Variants in INTS6 observed in about 807,000 individuals in gnomAD.
INTS6 encodes DEAD box protein.
Under a neutral mutation model 104.9 loss-of-function variants are expected in INTS6, and 16 were observed. The observed-to-expected ratio is 0.15, with a 90% CI of 0.10 to 0.23. The LOEUF is 0.23. Among genes scored for constraint, INTS6 ranks in the 10% least tolerant of loss-of-function variants. The probability of loss-of-function intolerance (pLI) is 1.00; values close to 1 mark genes in which losing one functional copy is unlikely to be tolerated. For synonymous variants in INTS6, 324 were observed against 358.7 expected, an observed-to-expected ratio of 0.90 and a Z score of 1.09; for missense variants, 584 against 1,062.8, an observed-to-expected ratio of 0.55 and a Z score of 6.26.
downstream of INTS6, among the ~76,000 whole-genome samples, chr13:51,359,220 GTTCAT>G (rs1424079668): frequency 1.3e-5 from 2 of 151,932 alleles, no homozygotes; most frequent in Non-Finnish European, 2.9e-5. Flanking sequence ...TGACTTCTAG[GTTCAT>G]TTCATTAGTT....
At chr13:51,392,951 TAGAA>T (rs1327889474) in intron 5 of INTS6, among the ~76,000 whole-genome samples, 3 of 151,996 alleles carry the variant, frequency 2.0e-5, no homozygotes, top group Admixed American at 1.3e-4. Context: ...AAAAAATACA[TAGAA>T]AGAAATATAT....
At chr13:51,381,347 C>T (rs951625265) in intron 10 of INTS6, among the ~76,000 whole-genome samples, 3 of 152,116 alleles carry the variant, frequency 2.0e-5, no homozygotes, top group African/African-American at 7.2e-5. Context: ...ATTTCAGGCT[C>T]CTCATCCCCT....
rs1022913062 is a variant in INTS6 at position 51,362,167 on chromosome 13, T to C, written c.*3585A>G. On this transcript the variant is annotated 3_prime_UTR_variant, in exon 18 of 18. Coordinates refer to ENST00000311234, the MANE Select transcript of INTS6 (RefSeq NM_012141.3). ...TTTTTTTAATGCTATAGGTTTCTAC[T>C]TCTGAAGACACTTGGAAAAATCATG... 3.0e-5 allele frequency: 25 copies of C among 835,216 alleles called. No individual in the cohort carries two copies. The highest frequency in any genetic ancestry group is 4.1e-5 in the Non-Finnish European group (24 of 589,638). 51.7% of individuals were successfully genotyped at this position (835,216 alleles called of 1,614,324 possible). A position where few individuals can be genotyped will look rare whatever the true frequency, so the allele number is the denominator to read the frequency against.
At chr13:51,446,711 T>C (rs1952926610) in intron 3 of INTS6, 1 of 152,176 alleles carries the variant, frequency 6.6e-6, no homozygotes. Flanking sequence ...AATAGAGTAT[T>C]ATTCAGCCTT....
intron 4 of INTS6, among the ~76,000 whole-genome samples, chr13:51,413,720 T>C (rs972884091): frequency 1.3e-5 from 2 of 152,068 alleles, no homozygotes; most frequent in African/African-American, 4.8e-5. Context: ...AGCCTGAAAA[T>C]GATGATTAAC....
downstream of INTS6, among the ~76,000 whole-genome samples, chr13:51,349,974 A>T (rs1955389078): frequency 6.6e-6 from 1 of 152,228 alleles, no homozygotes; most frequent in Admixed American, 6.5e-5. Context: ...AAACAAAAAA[A>T]GTAAAAACTC....
chr13:51,341,345 A>G, the INTS6 span: 10 of 1,591,688 alleles, frequency 6.3e-6, no homozygotes, highest in Non-Finnish European at 8.6e-6. Context: ...TACACTGTCC[A>G]TGGTAAGAGG....
At chr13:51,407,894 G>GT (rs1162854898) in intron 4 of INTS6, among the ~76,000 whole-genome samples, 1 of 151,636 alleles carries the variant, frequency 6.6e-6, no homozygotes, top group African/African-American at 2.4e-5. Flanking sequence ...GCACACGCCT[G>GT]TAATCCCAGC....
rs1955640278 is a variant in INTS6 at position 51,364,214 on chromosome 13, A to AT, written c.*1537dup. The AT allele has an allele frequency of 7.8e-7, 1 of 1,280,744 alleles. No homozygotes were observed. The allele number at this position is 1,280,744 out of a possible 1,614,324, so 79.3% of individuals were successfully genotyped here. On this transcript the variant is annotated 3_prime_UTR_variant, in exon 18 of 18. Coordinates refer to ENST00000311234, the MANE Select transcript of INTS6 (RefSeq NM_012141.3). ...ACTGCATATGAAAATACTATATAAT[A>AT]TTAAATTCTTCTTTTTCTTGACAGG...
chr13:51,389,175 T>C, intron 6 of INTS6, 144 bp downstream of exon 6: 1 of 729,314 alleles, frequency 1.4e-6, no homozygotes, highest in Non-Finnish European at 2.2e-6. Context: ...CTTTCCTATT[T>C]AATCTTCCCT....
At chr13:51,421,158 T>C (rs1956889644) in intron 4 of INTS6, 1 of 985,716 alleles carries the variant, frequency 1.0e-6, no homozygotes, top group South Asian at 4.7e-5. Context: ...GCATCAGACT[T>C]TTGAGGAAGG....
At chr13:51,387,777 C>T (rs1407253998) in intron 6 of INTS6, among the ~76,000 whole-genome samples, 2 of 152,112 alleles carry the variant, frequency 1.3e-5, no homozygotes, top group Non-Finnish European at 2.9e-5. Context: ...CAAAGGAGGT[C>T]CGCAGCATCC....
At chr13:51,384,833 T>C in intron 7 of INTS6, 1 of 375,736 alleles carries the variant, frequency 2.7e-6, no homozygotes, top group Admixed American at 3.5e-5. Flanking sequence ...TTATCTTCTA[T>C]TTCTTACCAC....
downstream of INTS6, among the ~76,000 whole-genome samples, chr13:51,349,566 C>A (rs1018626125): frequency 6.6e-6 from 1 of 152,138 alleles, no homozygotes; most frequent in Non-Finnish European, 1.5e-5. Flanking sequence ...GAGGCTGGTG[C>A]GAGAATTCGC....
At chr13:51,358,341 C>T (rs1461134080), downstream of INTS6, among the ~76,000 whole-genome samples, 2 of 152,054 alleles carry the variant, frequency 1.3e-5, no homozygotes, top group African/African-American at 2.4e-5. Flanking sequence ...TTATGAGAAG[C>T]TGAGGATGAA....
intron 4 of INTS6, among the ~76,000 whole-genome samples, chr13:51,409,121 G>A (rs1391984663): frequency 1.3e-5 from 2 of 151,822 alleles, no homozygotes; most frequent in Admixed American, 6.6e-5. Context: ...ATTTTATAAC[G>A]TGTGCTTAAT....
chr13:51,341,359 G>C, the INTS6 span: 1 of 1,572,780 alleles, frequency 6.4e-7, no homozygotes, highest in Non-Finnish European at 8.6e-7. Context: ...TAAGAGGCCT[G>C]CCCACGTGCA....
intron 2 of INTS6, 123 bp downstream of exon 2, chr13:51,451,855 C>T (rs573492218): frequency 1.9e-6 from 1 of 539,258 alleles, no homozygotes; most frequent in Non-Finnish European, 3.1e-6. Context: ...GAGACCTCAG[C>T]GGCTGGGAGC....
At chr13:51,450,628 T>G in intron 3 of INTS6, 1 of 986,982 alleles carries the variant, frequency 1.0e-6, no homozygotes, top group Non-Finnish European at 1.2e-6. Flanking sequence ...CAGATTAATT[T>G]CCTCTAACAT....
Sources: allele counts gnomAD v4.1 joint callset (sites outside exome capture counted in the v4.1 genomes callset), GRCh38; gene constraint gnomAD v4.1.1; transcripts MANE v1.5; gene names NCBI Gene and HGNC (gene_info 2026-07-23, HGNC 2026-07-21).